FAM240A: variants seen among roughly 807,000 people sequenced by gnomAD.
FAM240A encodes the protein protein FAM240A.
In FAM240A, 8 loss-of-function variants were observed where a neutral mutation model predicts 7.3. The ratio of observed to expected loss-of-function variants is 1.09; its 90% CI spans 0.64 to 1.97. The LOEUF (loss-of-function observed/expected upper bound fraction) is 1.97. FAM240A is among the 30% of genes most tolerant of loss of function. The pLI is 0.00. For missense variants in FAM240A, 90 were observed against 102.2 expected, an observed-to-expected ratio of 0.88 and a Z score of 0.52; for synonymous variants, 32 against 35.9, an observed-to-expected ratio of 0.89 and a Z score of 0.38.
In FAM240A at chr3:46,625,337, C is replaced by T; in HGVS notation, c.*119C>T. 3.0e-6 allele frequency: 2 copies of T among 663,072 alleles called. No individual in the cohort carries two copies. Among genetic ancestry groups the T allele is most frequent in the Non-Finnish European group, 2.5e-6 (1 of 402,044 alleles). 41.1% of individuals were successfully genotyped at this position (663,072 alleles called of 1,614,324 possible). On this transcript the variant is annotated 3_prime_UTR_variant, in exon 3 of 3. Coordinates refer to ENST00000640551, the MANE Select transcript of FAM240A (RefSeq NM_001195442.2). ...ATCAGCTCTCACACTATTGTTTCCC[C>T]ACCTGGGAGAGGACTTACCTGTAAA...
At position 46,613,490 on chromosome 3, in the gene FAM240A, T is replaced by C. The variant is rs1026450698; in HGVS notation, c.15+792T>C. Among the ~76,000 whole-genome samples, 7 of 20,650 alleles carry C rather than the reference T, an allele frequency of 3.4e-4. No homozygotes were observed. In the South Asian group the frequency reaches 8.2e-3, roughly 24 times the overall value. 13.5% of individuals were successfully genotyped at this position (20,650 alleles called of 152,430 possible). On this transcript the variant is annotated intron_variant, in intron 1 of 2. Transcript: ENST00000640551. ...GCCTGGGTGACAGAGTGAAACTCCTTCTAAATAAATAAATAAATAAATAAA... is the reference window on the plus strand; with the variant it reads ...GCCTGGGTGACAGAGTGAAACTCCTCCTAAATAAATAAATAAATAAATAAA...
intron 2 of FAM240A, among the ~76,000 whole-genome samples, chr3:46,621,820 G>A (rs1040978010): frequency 4.6e-5 from 7 of 150,794 alleles, no homozygotes; most frequent in East Asian, 1.9e-4. Context: ...TTTCTAATCC[G>A]ACATATTTTA....
At chr3:46,622,744 G>C (rs1697711974) in intron 2 of FAM240A, among the ~76,000 whole-genome samples, 1 of 152,074 alleles carries the variant, frequency 6.6e-6, no homozygotes, top group Non-Finnish European at 1.5e-5. Context: ...TTTGTCCATT[G>C]GCCCAATGTC....
intron 2 of FAM240A, among the ~76,000 whole-genome samples, chr3:46,622,848 T>A (rs946583771): frequency 2.6e-5 from 4 of 152,248 alleles, no homozygotes; most frequent in African/African-American, 9.6e-5. Flanking sequence ...TATCCTAGGT[T>A]ATCTGCATTT....
intron 2 of FAM240A, among the ~76,000 whole-genome samples, chr3:46,624,397 G>A (rs142528390): frequency 1.3e-3 from 200 of 149,914 alleles, no homozygotes; most frequent in African/African-American, 4.5e-3. Flanking sequence ...TCAGCCTTCC[G>A]AGTAGCTGGA....
chr3:46,625,206 A>G lies in FAM240A; in HGVS notation c.240A>G (p.Thr80=), dbSNP rs1575387551. The change falls in exon 3 of 3, where the codon ACA becomes ACG. Residue 80 remains threonine, a synonymous_variant. Transcript: ENST00000640551. ...RNNPEDTEKR[T]NVG The stretch of plus-strand genomic sequence containing the variant: ...ATCCAGAGGACACTGAAAAGAGGAC[A>G]AATGTTGGCTGAGAGCTTCCTGCTT... 2 of 1,533,062 alleles carry G rather than the reference A, an allele frequency of 1.3e-6. No individual in the cohort carries two copies. Among genetic ancestry groups the G allele is most frequent in the East Asian group, 2.5e-5 (1 of 40,758 alleles). 95.0% of individuals were successfully genotyped at this position (1,533,062 alleles called of 1,614,324 possible).
chr3:46,623,615 C>T (rs907110191), intron 2 of FAM240A, among the ~76,000 whole-genome samples: 1 of 152,102 alleles, frequency 6.6e-6, no homozygotes, highest in Non-Finnish European at 1.5e-5. Context: ...GATGAATTGA[C>T]CCTCTTATTG....
chr3:46,612,705 G>A lies in FAM240A; in HGVS notation c.15+7G>A, dbSNP rs977397720. ...CTTCATGCGGTTGTTCTCTGTAAGT[G>A]TTAATTAATTTGTTGATTTTGTGAA... On this transcript the variant is annotated splice_region_variant and intron_variant, in intron 1 of 2. Transcript: ENST00000640551. 1 of 1,534,132 alleles carries A rather than the reference G, an allele frequency of 6.5e-7. No individual in the cohort carries two copies. Among genetic ancestry groups the A allele is most frequent in the Non-Finnish European group, 8.7e-7 (1 of 1,145,186 alleles).
At chr3:46,614,172 C>T (rs1697601939) in intron 1 of FAM240A, among the ~76,000 whole-genome samples, 1 of 152,162 alleles carries the variant, frequency 6.6e-6, no homozygotes, top group African/African-American at 2.4e-5. Flanking sequence ...GATCCTCCAG[C>T]CTCAGCCTCC....
chr3:46,619,007 T>C (rs550847279), intron 2 of FAM240A, among the ~76,000 whole-genome samples: 4 of 152,042 alleles, frequency 2.6e-5, no homozygotes, highest in Non-Finnish European at 5.9e-5. Flanking sequence ...TTAGCTTATT[T>C]GTTCTCCTCA....
At chr3:46,620,867 T>G (rs1240375524) in intron 2 of FAM240A, among the ~76,000 whole-genome samples, 2 of 152,230 alleles carry the variant, frequency 1.3e-5, no homozygotes, top group African/African-American at 2.4e-5. Flanking sequence ...GGTTAATTTT[T>G]TAAGTGTGAT....
intron 2 of FAM240A, among the ~76,000 whole-genome samples, chr3:46,620,027 A>C (rs947785700): frequency 6.6e-6 from 1 of 152,008 alleles, no homozygotes; most frequent in Non-Finnish European, 1.5e-5. Context: ...TTTGCTGCCT[A>C]CTTACTTTGG....
At chr3:46,615,281 A>C (rs1448958757) in intron 1 of FAM240A, among the ~76,000 whole-genome samples, 1 of 152,106 alleles carries the variant, frequency 6.6e-6, no homozygotes, top group African/African-American at 2.4e-5. Context: ...GTCGGCACCC[A>C]GAAAACTCAA....
intron 1 of FAM240A, among the ~76,000 whole-genome samples, chr3:46,613,375 T>A (rs1474288988): frequency 6.6e-6 from 1 of 151,980 alleles, no homozygotes; most frequent in Non-Finnish European, 1.5e-5. Flanking sequence ...GCACCTGTAA[T>A]CCCAGATACT....
At chr3:46,616,729 A>AC (rs397804253) in intron 1 of FAM240A, among the ~76,000 whole-genome samples, 2 of 149,500 alleles carry the variant, frequency 1.3e-5, no homozygotes, top group African/African-American at 5.0e-5. Context: ...ACACACACAC[A>AC]TAAAACATTT....
Position 46,625,620 on chromosome 3 carries a change from A to C in FAM240A, c.*402A>C, listed in dbSNP as rs3796369. On this transcript the variant is annotated 3_prime_UTR_variant, in exon 3 of 3. Coordinates refer to ENST00000640551, the MANE Select transcript of FAM240A (RefSeq NM_001195442.2). ...GTATTGCCCCACCATTTCACCTAGG[A>C]AACACAGCTTTATGGAATTCTTGTT... 1 of 152,476 alleles carries C rather than the reference A, an allele frequency of 6.6e-6. No individual in the cohort carries two copies. Among genetic ancestry groups the C allele is most frequent in the African/African-American group, 2.4e-5 (1 of 41,434 alleles). 9.4% of individuals were successfully genotyped at this position (152,476 alleles called of 1,614,324 possible).
chr3:46,617,458 T>C, intron 2 of FAM240A, 130 bp downstream of exon 2: 1 of 693,458 alleles, frequency 1.4e-6, no homozygotes, highest in Non-Finnish European at 2.2e-6. Flanking sequence ...CCCCACGCAA[T>C]TGCCCCACTG....
At chr3:46,617,712 C>A (rs1267032829) in intron 2 of FAM240A, among the ~76,000 whole-genome samples, 1 of 152,164 alleles carries the variant, frequency 6.6e-6, no homozygotes, top group Admixed American at 6.5e-5. Flanking sequence ...TGAGGTTACA[C>A]TAAATGGGGC....
chr3:46,615,181 C>T (rs1279190293), intron 1 of FAM240A, among the ~76,000 whole-genome samples: 1 of 152,256 alleles, frequency 6.6e-6, no homozygotes, highest in South Asian at 2.1e-4. Context: ...CCCACTGTCC[C>T]GGTCTGTCTT....
Sources: allele counts gnomAD v4.1 joint callset (sites outside exome capture counted in the v4.1 genomes callset), GRCh38; gene constraint gnomAD v4.1.1; transcripts MANE v1.5; gene names NCBI Gene and HGNC (gene_info 2026-07-23, HGNC 2026-07-21).